EFL1: variants seen among roughly 807,000 people sequenced by gnomAD.
The protein encoded by EFL1 is elongation factor-like GTPase 1.
Under a neutral mutation model 126.7 loss-of-function variants are expected in EFL1, and 76 were observed. That is an observed-to-expected ratio of 0.60 (90% CI 0.50 to 0.73). The LOEUF (loss-of-function observed/expected upper bound fraction) is 0.73, where lower values mean the gene tolerates loss of function less well. Among genes scored for constraint, EFL1 ranks in the 30% least tolerant of loss-of-function variants. EFL1 has a pLI of 0.00. For synonymous variants in EFL1, 410 were observed against 448.4 expected (o/e 0.91, Z 1.08); for missense variants, 1,128 against 1,343.2 (o/e 0.84, Z 2.50).
intron 10 of EFL1, 120 bp from the exon 11 acceptor site, chr15:82,227,692 T>C: frequency 7.4e-7 from 1 of 1,359,684 alleles, no homozygotes; most frequent in Non-Finnish European, 1.0e-6. Context: ...ATGCCTGTGC[T>C]ACAAGGCAAC....
At chr15:82,245,400 A>G (rs993399343) in intron 4 of EFL1, among the ~76,000 whole-genome samples, 2 of 152,080 alleles carry the variant, frequency 1.3e-5, no homozygotes, top group Non-Finnish European at 2.9e-5. Context: ...TCAGTCTCCC[A>G]AAGTGCTGGG....
At chr15:82,132,940 A>G (rs1003806495) in intron 19 of EFL1, among the ~76,000 whole-genome samples, 5 of 152,074 alleles carry the variant, frequency 3.3e-5, no homozygotes, top group African/African-American at 1.2e-4. Flanking sequence ...AACAATGTCA[A>G]CACGATACCA....
chr15:82,214,781 G>C lies in EFL1; in HGVS notation c.1686C>G (p.Asn562Lys). The C allele has an allele frequency of 6.3e-7, 1 of 1,598,924 alleles. No individual in the cohort carries two copies. Among genetic ancestry groups the C allele is most frequent in the East Asian group, 2.2e-5 (1 of 44,714 alleles). ...VPHMAYCALE[N>K]LYLLMGRELE... ...GTTCCCTTCCCATCAGAAGATACAGGTTTTCCAGAGCACAGTATGCCATGT... is the reference window on the plus strand; with the variant it reads ...GTTCCCTTCCCATCAGAAGATACAGCTTTTCCAGAGCACAGTATGCCATGT... The change falls in exon 15 of 20, where the codon AAC becomes AAG. Residue 562 changes from asparagine (N) to lysine (K), a missense_variant. By Grantham distance (94) the Asn-to-Lys change is moderately conservative. This residue lies in a region of EFL1 where 120 missense variants were observed against 142.1 expected (regional missense o/e 0.84). Transcript: ENST00000268206.
intron 15 of EFL1, among the ~76,000 whole-genome samples, chr15:82,198,405 T>C (rs1289732027): frequency 6.6e-6 from 1 of 152,194 alleles, no homozygotes; most frequent in Non-Finnish European, 1.5e-5. Context: ...CACAGCCAAG[T>C]GAGCTAGTCC....
intron 17 of EFL1, among the ~76,000 whole-genome samples, chr15:82,156,846 A>G (rs1227054477): frequency 1.3e-5 from 2 of 152,262 alleles, no homozygotes; most frequent in Admixed American, 6.5e-5. Flanking sequence ...AGAAATGTAT[A>G]TTAACCATGA....
At chr15:82,202,235 T>C (rs551662898) in intron 15 of EFL1, among the ~76,000 whole-genome samples, 4 of 152,280 alleles carry the variant, frequency 2.6e-5, no homozygotes, top group African/African-American at 9.6e-5. Flanking sequence ...TCAACTTCAC[T>C]AGAACAAAAG....
intron 11 of EFL1, among the ~76,000 whole-genome samples, chr15:82,226,975 T>C (rs1265208028): frequency 1.3e-5 from 2 of 152,170 alleles, no homozygotes; most frequent in Admixed American, 6.5e-5. Flanking sequence ...AGTGATCAAT[T>C]GCGTCAAATG....
chr15:82,166,779 T>C (rs1035013738), intron 15 of EFL1, among the ~76,000 whole-genome samples: 1 of 152,378 alleles, frequency 6.6e-6, no homozygotes, highest in South Asian at 2.1e-4. Flanking sequence ...TTGTCACACA[T>C]AATTTACACT....
chr15:82,178,725 A>G (rs1253432269), intron 15 of EFL1, among the ~76,000 whole-genome samples: 1 of 152,170 alleles, frequency 6.6e-6, no homozygotes, highest in Non-Finnish European at 1.5e-5. Context: ...GAGGTATCCC[A>G]ATCACTTTCA....
chr15:82,169,058 A>C (rs1386254011), intron 15 of EFL1, among the ~76,000 whole-genome samples: 1 of 152,104 alleles, frequency 6.6e-6, no homozygotes, highest in Non-Finnish European at 1.5e-5. Context: ...CCAGACTACC[A>C]TCATTCAATT....
rs1233612890 is a variant in EFL1 at position 82,130,410 on chromosome 15, T to C, written c.3326A>G (p.His1109Arg). Residue 1109 changes from histidine to arginine, a missense_variant, in exon 20 of 20, where the codon CAT (histidine) becomes CGT (arginine). By Grantham distance (29) the His-to-Arg change is conservative (BLOSUM62 0). This residue lies in a region of EFL1 where 561 missense variants were observed against 641.7 expected (regional missense o/e 0.87). Transcript: ENST00000268206. Reference protein sequence around the residue: ...GLYVEEKIVEHAEKQRTLSKN... With the variant: ...GLYVEEKIVERAEKQRTLSKN... ...GCTGAGTGTCCTCTGCTTTTCTGCA[T>C]GCTCCACAATCTTTTCTTCCACATA... is the stretch of plus-strand genomic sequence containing the variant. 3 of 1,614,188 alleles carry C rather than the reference T, an allele frequency of 1.9e-6. No individual in the cohort carries two copies. The highest frequency in any genetic ancestry group is 1.1e-5 in the South Asian group (1 of 91,070).
At chr15:82,145,866 A>C (rs2073840132) in intron 18 of EFL1, among the ~76,000 whole-genome samples, 1 of 151,778 alleles carries the variant, frequency 6.6e-6, no homozygotes, top group African/African-American at 2.4e-5. Flanking sequence ...AAATACCCCA[A>C]AAAACTCTTA....
chr15:82,187,282 C>T (rs1224453703), intron 15 of EFL1, among the ~76,000 whole-genome samples: 2 of 152,068 alleles, frequency 1.3e-5, no homozygotes, highest in African/African-American at 4.8e-5. Flanking sequence ...GTAAAATAGG[C>T]GTAATTTATC....
intron 13 of EFL1, 104 bp from the exon 14 acceptor site, chr15:82,219,922 C>T (rs2074691877): frequency 6.7e-7 from 1 of 1,486,376 alleles, no homozygotes. Context: ...CGTCAAGTTT[C>T]AGGAAAAAAA....
chr15:82,248,421 C>T (rs1445197246), intron 4 of EFL1, among the ~76,000 whole-genome samples: 1 of 152,100 alleles, frequency 6.6e-6, no homozygotes, highest in Non-Finnish European at 1.5e-5. Flanking sequence ...ACATGCTGGC[C>T]TTGTCTGTAA....
chr15:82,235,559 A>G (rs1056294316), intron 7 of EFL1, among the ~76,000 whole-genome samples: 7 of 152,166 alleles, frequency 4.6e-5, no homozygotes, highest in Non-Finnish European at 1.5e-5. Flanking sequence ...ACATCAATCA[A>G]TGTAATATAC....
chr15:82,225,584 T>C (rs2074754865), intron 11 of EFL1, among the ~76,000 whole-genome samples: 6 of 152,176 alleles, frequency 3.9e-5, no homozygotes, highest in Admixed American at 3.9e-4. Context: ...CTAATACATT[T>C]TTCACTGTAT....
At position 82,130,517 on chromosome 15, in the gene EFL1, T is replaced by C. The variant is rs780836068; in HGVS notation, c.3219A>G (p.Glu1073=). The stretch of plus-strand genomic sequence containing the variant: ...CAGCCTTCTCCCCAAAGTGCAAGTA[T>C]TCCTCCTCAGTAGTTGGCACCCAGA... ...DPFWVPTTEE[E]YLHFGEKADS... is the part of the protein sequence containing the mutation. The change falls in exon 20 of 20, where the codon GAA becomes GAG. Residue 1073 remains glutamate, a synonymous_variant. Coordinates refer to ENST00000268206, the MANE Select transcript of EFL1 (RefSeq NM_024580.6). 4 of 1,614,088 alleles carry C rather than the reference T, an allele frequency of 2.5e-6. No homozygotes were observed. The highest frequency in any genetic ancestry group is 3.4e-6 in the Non-Finnish European group (4 of 1,180,040).
chr15:82,257,285 T>C (rs1442527231), intron 3 of EFL1, among the ~76,000 whole-genome samples: 3 of 152,226 alleles, frequency 2.0e-5, no homozygotes, highest in Non-Finnish European at 4.4e-5. Flanking sequence ...TATTAACTTC[T>C]GCAGCATTTT....
Sources: allele counts gnomAD v4.1 joint callset (sites outside exome capture counted in the v4.1 genomes callset), GRCh38; gene constraint gnomAD v4.1.1; regional missense constraint gnomAD v4.1.1; transcripts MANE v1.5; gene names NCBI Gene and HGNC (gene_info 2026-07-23, HGNC 2026-07-21).